Variants in CASP5 observed in about 807,000 individuals in gnomAD.
The protein encoded by CASP5 is caspase 5.
CASP5 carries 42 observed loss-of-function variants against 45.2 expected under a neutral mutation model. That is an observed-to-expected ratio of 0.93 (90% confidence interval 0.73 to 1.20). The LOEUF is 1.20. Ranked by LOEUF, CASP5 falls within the 50% of genes most tolerant of loss-of-function variation. The pLI is 0.00. For missense variants in CASP5, 512 were observed against 532.2 expected (o/e 0.96, Z 0.37); for synonymous variants, 209 against 186.2 (o/e 1.12, Z -1.00).
chr11:105,001,646 G>T (rs1861732483), intron 5 of CASP5, among the ~76,000 whole-genome samples: 1 of 152,316 alleles, frequency 6.6e-6, no homozygotes, highest in East Asian at 1.9e-4. Flanking sequence ...GACAGAGTGA[G>T]ACTTGGTCTC....
At chr11:104,996,931 C>A (rs1861494869) in intron 8 of CASP5, among the ~76,000 whole-genome samples, 1 of 152,058 alleles carries the variant, frequency 6.6e-6, no homozygotes, top group Non-Finnish European at 1.5e-5. Flanking sequence ...AATTCTACCA[C>A]AATCTGTAAT....
chr11:104,996,233 C>A (rs1233533154), intron 8 of CASP5, among the ~76,000 whole-genome samples: 1 of 152,184 alleles, frequency 6.6e-6, no homozygotes, highest in Non-Finnish European at 1.5e-5. Flanking sequence ...ATCCCAGAAT[C>A]TTGCTTTAAG....
At chr11:105,007,514 T>C (rs1044713727) in intron 2 of CASP5, among the ~76,000 whole-genome samples, 180 bp from the exon 3 acceptor site, 17 of 152,184 alleles carry the variant, frequency 1.1e-4, no homozygotes, top group Non-Finnish European at 4.4e-5. Context: ...ATCAAATTCA[T>C]ACCAGACTGT....
intron 9 of CASP5, among the ~76,000 whole-genome samples, chr11:104,994,654 C>T (rs1388004111): frequency 1.3e-5 from 2 of 152,160 alleles, no homozygotes; most frequent in African/African-American, 4.8e-5. Flanking sequence ...CACTGTTTCT[C>T]CTAATTTGTC....
intron 1 of CASP5, among the ~76,000 whole-genome samples, chr11:105,019,925 G>A (rs866889892): frequency 5.5e-5 from 8 of 145,690 alleles, no homozygotes; most frequent in South Asian, 2.2e-4. Flanking sequence ...CTGGCAAACC[G>A]AATCTAGCAG....
intron 1 of CASP5, among the ~76,000 whole-genome samples, chr11:105,016,431 G>A (rs1213797305): frequency 2.0e-5 from 3 of 152,172 alleles, no homozygotes; most frequent in Non-Finnish European, 4.4e-5. Context: ...CAGACAGTGG[G>A]CGCAGGTCAG....
intron 9 of CASP5, 34 bp from the exon 10 acceptor site, chr11:104,994,381 G>T (rs1861364421): frequency 6.6e-6 from 1 of 152,136 alleles, no homozygotes; most frequent in South Asian, 2.1e-4. Context: ...AGGTCAAGAT[G>T]GTTACCCCTC....
intron 3 of CASP5, among the ~76,000 whole-genome samples, chr11:105,005,941 T>C (rs1474706436): frequency 6.6e-6 from 1 of 151,976 alleles, no homozygotes; most frequent in African/African-American, 2.4e-5. Context: ...TACTAGCATG[T>C]GGTTTCTGTT....
chr11:105,006,281 G>T (rs1022521864), intron 3 of CASP5, among the ~76,000 whole-genome samples: 2 of 152,024 alleles, frequency 1.3e-5, no homozygotes, highest in East Asian at 1.9e-4. Flanking sequence ...AATTTGTAGC[G>T]CCCAAATAAT....
chr11:105,022,060 A>G (rs1377094678), intron 1 of CASP5, among the ~76,000 whole-genome samples: 1 of 150,906 alleles, frequency 6.6e-6, no homozygotes, highest in Non-Finnish European at 1.5e-5. Context: ...TATCACAAGA[A>G]CAAAAAACCA....
At chr11:105,000,164 G>C in intron 6 of CASP5, 97 bp downstream of exon 6, 1 of 1,248,628 alleles carries the variant, frequency 8.0e-7, no homozygotes, top group Non-Finnish European at 1.2e-6. Flanking sequence ...ATTTGCACTG[G>C]ATGGGGTCTA....
chr11:104,995,503 C>A (rs1861420912), intron 9 of CASP5, among the ~76,000 whole-genome samples: 1 of 152,098 alleles, frequency 6.6e-6, no homozygotes, highest in Non-Finnish European at 1.5e-5. Context: ...TAACCTAGGA[C>A]TTTCATTGTG....
At chr11:105,007,518 A>G (rs1862070539) in intron 2 of CASP5, among the ~76,000 whole-genome samples, 184 bp from the exon 3 acceptor site, 1 of 152,122 alleles carries the variant, frequency 6.6e-6, no homozygotes, top group African/African-American at 2.4e-5. Flanking sequence ...AATTCATACC[A>G]GACTGTGCTT....
Position 104,999,059 on chromosome 11 carries a change from A to G in CASP5, c.953-31T>C, listed in dbSNP as rs375504198. 8 of 1,517,596 alleles carry G rather than the reference A, an allele frequency of 5.3e-6. No individual in the cohort carries two copies. In the African/African-American group the frequency reaches 9.9e-5, roughly 19 times the overall value. 94.0% of individuals were successfully genotyped at this position (1,517,596 alleles called of 1,614,324 possible). A position where few individuals can be genotyped will look rare whatever the true frequency, so the allele number is the denominator to read the frequency against. On this transcript the variant is annotated intron_variant, in intron 6 of 9. Coordinates refer to ENST00000260315, the MANE Select transcript of CASP5 (RefSeq NM_004347.5). ...GAGACATCAACTTTCTTTTTTTTTT[A>G]TGTTACTTTAAGTTCCAGAATAGAA...
chr11:105,011,639 CA>C (rs1451739340), intron 1 of CASP5, among the ~76,000 whole-genome samples: 1 of 151,564 alleles, frequency 6.6e-6, no homozygotes, highest in Non-Finnish European at 1.5e-5. Flanking sequence ...AAATTAGTAT[CA>C]TTTTTATAAC....
chr11:105,000,896 A>G (rs45569531), intron 5 of CASP5, among the ~76,000 whole-genome samples: 3,858 of 152,268 alleles, frequency 0.025, 140 homozygotes, highest in African/African-American at 0.083. Flanking sequence ...TGGCCTGACC[A>G]TACTCATCCT....
At chr11:104,998,245 T>G (rs951631950) in intron 7 of CASP5, among the ~76,000 whole-genome samples, 3 of 152,154 alleles carry the variant, frequency 2.0e-5, no homozygotes, top group African/African-American at 7.2e-5. Flanking sequence ...TTTTCATATG[T>G]CAGCTATGCC....
At chr11:104,998,350 C>A (rs576551241) in intron 7 of CASP5, among the ~76,000 whole-genome samples, 14 of 152,212 alleles carry the variant, frequency 9.2e-5, no homozygotes, top group Non-Finnish European at 1.6e-4. Flanking sequence ...AGGTGAAATA[C>A]AAACGACTGT....
intron 6 of CASP5, among the ~76,000 whole-genome samples, 159 bp from the exon 7 acceptor site, chr11:104,999,187 A>G (rs1167429833): frequency 6.6e-6 from 1 of 152,094 alleles, no homozygotes; most frequent in African/African-American, 2.4e-5. Flanking sequence ...TATTTGTCTT[A>G]AGGCTCTCCT....
Sources: allele counts gnomAD v4.1 joint callset (sites outside exome capture counted in the v4.1 genomes callset), GRCh38; gene constraint gnomAD v4.1.1; transcripts MANE v1.5; gene names NCBI Gene and HGNC (gene_info 2026-07-23, HGNC 2026-07-21).